The following DUT variants were observed in gnomAD, a reference collection of about 807,000 sequenced individuals.
The protein encoded by DUT is deoxyuridine triphosphatase, also known as deoxyuridine 5'-triphosphate nucleotidohydrolase, mitochondrial.
A neutral mutation model predicts 28.8 loss-of-function variants in DUT; 21 were observed. That is an observed-to-expected ratio of 0.73 (90% CI 0.52 to 1.05). The LOEUF is 1.05. Ranked by LOEUF, DUT falls within the 50% of genes least tolerant of loss-of-function variation. The pLI is 0.00. For missense variants in DUT, 344 were observed against 351.8 expected (o/e 0.98, Z 0.18); for synonymous variants, 147 against 143.7 (o/e 1.02, Z -0.17).
At position 48,336,040 on chromosome 15, in the gene DUT, T is replaced by C. The variant is rs759363930; in HGVS notation, c.512-6T>C. On this transcript the variant is annotated splice_region_variant and splice_polypyrimidine_tract_variant and intron_variant, in intron 3 of 6. Coordinates refer to ENST00000331200, the MANE Select transcript of DUT (RefSeq NM_001025248.2). ...AATAACCAATGTCTCCTTTTTTGTT[T>C]TTTAGCTCCACGGTCAGGCTTGGCT... 6 of 1,603,976 alleles carry C rather than the reference T, an allele frequency of 3.7e-6. No individual in the cohort carries two copies. The Admixed American group carries it at 1.1e-4, about 28-fold the overall frequency.
At chr15:48,337,341 A>G (rs374732594) in intron 4 of DUT, among the ~76,000 whole-genome samples, 2 of 152,222 alleles carry the variant, frequency 1.3e-5, no homozygotes, top group East Asian at 3.8e-4. Flanking sequence ...TATATTTTCA[A>G]TGAAGTTTCA....
At chr15:48,336,125 G>A (rs201845064) in intron 4 of DUT, 35 bp downstream of exon 4, 10 of 1,528,340 alleles carry the variant, frequency 6.5e-6, no homozygotes, top group Non-Finnish European at 8.8e-7. Flanking sequence ...GTAAATGTTT[G>A]CAAGTATTTA....
rs918220186 is a variant in DUT, at chr15:48,342,705, G to C, written c.*627G>C. On this transcript the variant is annotated 3_prime_UTR_variant, in exon 7 of 7. Coordinates refer to ENST00000331200, the MANE Select transcript of DUT (RefSeq NM_001025248.2). ...TCTTTTGATAAATCCTCTATTGACT[G>C]GGTAGAGGTATGTTTGTGAAAGACA... 6.6e-6 allele frequency: 1 copy of C among 152,108 alleles called. No individual in the cohort carries two copies. Among genetic ancestry groups the C allele is most frequent in the African/African-American group, 2.4e-5 (1 of 41,416 alleles). The allele number at this position is 152,108 out of a possible 1,614,324, so 9.4% of individuals were successfully genotyped here.
intron 2 of DUT, chr15:48,332,842 T>C: frequency 2.2e-6 from 1 of 452,030 alleles, no homozygotes; most frequent in Non-Finnish European, 4.4e-6. Context: ...AGGGCGGAAT[T>C]TGAGAAGGCA....
chr15:48,340,378 A>G (rs1289299596), intron 4 of DUT: 1 of 152,202 alleles, frequency 6.6e-6, no homozygotes, highest in Non-Finnish European at 1.5e-5. Context: ...ATAGTTGGCC[A>G]ACTCTGATAC....
At chr15:48,332,041 A>C in intron 1 of DUT, 1 of 1,083,298 alleles carries the variant, frequency 9.2e-7, no homozygotes, top group Admixed American at 3.7e-5. Context: ...GTAGTTTCCC[A>C]TCCCAAACCT....
At position 48,332,267 on chromosome 15, in the gene DUT, GA is replaced by G. The variant is rs2141156626; in HGVS notation, c.281del (p.Glu94GlyfsTer61). 2 of 1,607,618 alleles carry G rather than the reference GA, an allele frequency of 1.2e-6. No homozygotes were observed. The highest frequency in any genetic ancestry group is 1.7e-6 in the Non-Finnish European group (2 of 1,177,772). On this transcript the variant is annotated frameshift_variant and splice_region_variant, in exon 2 of 7. Coordinates refer to ENST00000331200, the MANE Select transcript of DUT (RefSeq NM_001025248.2). LOFTEE classifies it high-confidence loss of function. ...TGGCTCTGCCATGCCCTGCTCTGAA[GA>G]GACACCCGCCATTTCACCCAGTAAG... ...KAGGSPAPGP[E>X]TPAISPSKRA...
chr15:48,333,693 T>C (rs150136331), intron 2 of DUT, among the ~76,000 whole-genome samples: 8 of 152,330 alleles, frequency 5.3e-5, no homozygotes, highest in African/African-American at 1.4e-4. Context: ...ATGTGGACTT[T>C]AGAGGAATTC....
chr15:48,342,146 T>C lies in DUT; in HGVS notation c.*68T>C. 2 of 1,165,182 alleles carry C rather than the reference T, an allele frequency of 1.7e-6. No individual in the cohort carries two copies. The highest frequency in any genetic ancestry group is 1.9e-5 in the South Asian group (1 of 54,030). The allele number at this position is 1,165,182 out of a possible 1,614,324, so 72.2% of individuals were successfully genotyped here. ...TTAAAAAAAAAAAAAAAGTTTTTGC[T>C]TCAAGTGTTTTGGTGTTTTGCACTT... On this transcript the variant is annotated 3_prime_UTR_variant, in exon 7 of 7. Transcript: ENST00000331200.
chr15:48,333,816 A>G (rs1308127061), intron 2 of DUT, among the ~76,000 whole-genome samples: 1 of 152,228 alleles, frequency 6.6e-6, no homozygotes, highest in Non-Finnish European at 1.5e-5. Flanking sequence ...CCTGACAGAT[A>G]CAACACAGTT....
chr15:48,340,917 C>T (rs531803575), intron 4 of DUT, among the ~76,000 whole-genome samples: 18 of 152,212 alleles, frequency 1.2e-4, no homozygotes, highest in Non-Finnish European at 2.2e-4. Context: ...TGGGTATTAG[C>T]GGGAAGCTGA....
rs1044840623 is a variant in DUT, at chr15:48,331,460, A to C, written c.-56A>C. ...AGGACGGGCGCGTCTTCAGGGTGGA[A>C]GCCTGGCGCACGTCCGGAGGTGCCG... On this transcript the variant is annotated 5_prime_UTR_variant, in exon 1 of 7. Coordinates refer to ENST00000331200, the MANE Select transcript of DUT (RefSeq NM_001025248.2). 1.1e-5 allele frequency: 18 copies of C among 1,600,030 alleles called. No homozygotes were observed. In the African/African-American group the frequency reaches 1.8e-4, roughly 16 times the overall value.
intron 1 of DUT, 197 bp downstream of exon 1, chr15:48,331,992 G>A (rs1429227814): frequency 2.3e-6 from 2 of 882,732 alleles, no homozygotes; most frequent in African/African-American, 1.8e-5. Flanking sequence ...CTTCAAAGTT[G>A]GCCCCACGCG....
rs1239784513 is a variant in DUT, at chr15:48,332,376, CCG to C, written c.397_398del (p.Ala133ArgfsTer10). 1.3e-6 allele frequency: 2 copies of C among 1,585,244 alleles called. No homozygotes were observed. Among genetic ancestry groups the C allele is most frequent in the Admixed American group, 1.8e-5 (1 of 54,658 alleles). On this transcript the variant is annotated frameshift_variant, in exon 2 of 7. Transcript: ENST00000331200. LOFTEE classifies it high-confidence loss of function. ...CACGCCACGGCCCCCACCCGGGGCT[CCG>C]CGCGCGCCGCGGGCTACGACCTGTA...
chr15:48,340,389 A>G (rs1242164153), intron 4 of DUT, among the ~76,000 whole-genome samples: 1 of 152,174 alleles, frequency 6.6e-6, no homozygotes, highest in East Asian at 1.9e-4. Context: ...ACTCTGATAC[A>G]CTATGAACTG....
intron 4 of DUT, among the ~76,000 whole-genome samples, chr15:48,338,617 A>G (rs2042499072): frequency 1.3e-5 from 2 of 152,262 alleles, no homozygotes; most frequent in East Asian, 1.9e-4. Context: ...CATATTGGCC[A>G]GAATGTAAGA....
At chr15:48,331,878 G>A in intron 1 of DUT, 83 bp downstream of exon 1, 18 of 724,192 alleles carry the variant, frequency 2.5e-5, no homozygotes, top group Non-Finnish European at 3.3e-5. Flanking sequence ...GGTGGCGAGC[G>A]GTCCTTCTGC....
At chr15:48,332,717 G>T in intron 2 of DUT, 1 of 578,988 alleles carries the variant, frequency 1.7e-6, no homozygotes, top group Non-Finnish European at 3.3e-6. Context: ...GGGTGATGCT[G>T]TGCTCAATAG....
chr15:48,331,332 T>C, upstream of DUT: 1 of 1,443,492 alleles, frequency 6.9e-7, no homozygotes, highest in Non-Finnish European at 9.1e-7. Context: ...GGCGCCGTCT[T>C]CCTGGGGCCC....
Sources: gnomAD v4.1 joint callset for allele counts (sites outside exome capture counted in the v4.1 genomes callset) on GRCh38, gnomAD v4.1.1 for gene constraint, MANE v1.5 for transcripts, NCBI Gene and HGNC (gene_info 2026-07-23, HGNC 2026-07-21) for gene names.